Variants in NFKBIA observed in about 807,000 individuals in gnomAD.
The protein encoded by NFKBIA is NFKB inhibitor alpha.
Under a neutral mutation model 36.3 loss-of-function variants are expected in NFKBIA, and 10 were observed. The ratio of observed to expected loss-of-function variants is 0.28; its 90% CI spans 0.17 to 0.47. The LOEUF (loss-of-function observed/expected upper bound fraction) is 0.47. Ranked by LOEUF, NFKBIA falls within the 20% of genes least tolerant of loss-of-function variation. The pLI is 0.99. For missense variants in NFKBIA, 355 were observed against 399.3 expected, an observed-to-expected ratio of 0.89 and a Z score of 0.94; for synonymous variants, 205 against 164.4, an observed-to-expected ratio of 1.25 and a Z score of -1.89.
intron 2 of NFKBIA, 29 bp downstream of exon 2, chr14:35,403,661 A>G: frequency 6.5e-7 from 1 of 1,531,706 alleles, no homozygotes. Flanking sequence ...CCAGGGTCAG[A>G]GAGAACCCGG....
At chr14:35,403,945 G>A in intron 1 of NFKBIA, 147 bp from the exon 2 acceptor site, 1 of 687,358 alleles carries the variant, frequency 1.5e-6, no homozygotes, top group Non-Finnish European at 2.6e-6. Flanking sequence ...TGAGCTGAGT[G>A]TTCCTGGCAG....
Position 35,401,939 on chromosome 14 carries a change from T to G in NFKBIA, c.*74A>C. The G allele has an allele frequency of 6.4e-7, 1 of 1,570,498 alleles. No homozygotes were observed. The highest frequency in any genetic ancestry group is 8.7e-7 in the Non-Finnish European group (1 of 1,144,578). On this transcript the variant is annotated 3_prime_UTR_variant, in exon 6 of 6. Transcript: ENST00000216797. ...ACACCCTTTAAATTTTTTCTTCTTT[T>G]TTCTTTTTTTAGAAAAATAAAACTT...
chr14:35,403,743 G>C lies in NFKBIA; in HGVS notation c.283C>G (p.Arg95Gly), dbSNP rs779105881. ...AAGGCCAGGTCTCCCTTCACCTGGC[G>C]GATCACTTCCATGGTCAGTGCCTTT... The part of the protein sequence containing the change: ...EEKALTMEVI[R>G]QVKGDLAFLN... Residue 95 changes from arginine (R) to glycine (G), a missense_variant, in exon 2 of 6, where the codon CGC (arginine) becomes GGC (glycine). Coordinates refer to ENST00000216797, the MANE Select transcript of NFKBIA (RefSeq NM_020529.3). 2 of 1,613,968 alleles carry C rather than the reference G, an allele frequency of 1.2e-6. No homozygotes were observed. The highest frequency in any genetic ancestry group is 1.7e-6 in the Non-Finnish European group (2 of 1,179,952).
At chr14:35,402,295 T>C (rs541039535) in intron 5 of NFKBIA, 99 bp downstream of exon 5, 1 of 1,436,956 alleles carries the variant, frequency 7.0e-7, no homozygotes, top group African/African-American at 1.4e-5. Flanking sequence ...AGACTCATTA[T>C]GTAGATACCC....
chr14:35,402,926 T>A, intron 3 of NFKBIA, 67 bp from the exon 4 acceptor site: 1 of 1,478,870 alleles, frequency 6.8e-7, no homozygotes, highest in Non-Finnish European at 9.4e-7. Context: ...CCTATTCTTT[T>A]ATGGAACAAG....
At chr14:35,403,857 G>T in intron 1 of NFKBIA, 59 bp from the exon 2 acceptor site, 2 of 1,305,602 alleles carry the variant, frequency 1.5e-6, no homozygotes, top group Admixed American at 1.9e-5. Context: ...GGGGCCCAGG[G>T]AGGCGCGGGC....
In NFKBIA at chr14:35,404,723, G is replaced by GGGCAGGAC; in HGVS notation, c.-80_-79insGTCCTGCC. On this transcript the variant is annotated 5_prime_UTR_variant, in exon 1 of 6. Coordinates refer to ENST00000216797, the MANE Select transcript of NFKBIA (RefSeq NM_020529.3). ...GCTGCTTCCTCGCTGGGGCGCTGGC[G>GGGCAGGAC]GGCGGGACGGCGGCACGGACTGCTG... is the stretch of plus-strand genomic sequence containing the variant. 1 of 1,049,248 alleles carries GGGCAGGAC rather than the reference G, an allele frequency of 9.5e-7. No individual in the cohort carries two copies. Among genetic ancestry groups the GGGCAGGAC allele is most frequent in the Non-Finnish European group, 1.3e-6 (1 of 799,350 alleles). The allele number at this position is 1,049,248 out of a possible 1,614,324, so 65.0% of individuals were successfully genotyped here.
rs2052757108 is a variant in NFKBIA, at chr14:35,403,866, G to T, written c.228-68C>A. ...CCGCGTGGGGCCCAGGGAGGCGCGG[G>T]CTGCGGGGGATTGCGCAAGGCCGGG... On this transcript the variant is annotated intron_variant, in intron 1 of 5. Transcript: ENST00000216797. 15 of 1,190,414 alleles carry T rather than the reference G, an allele frequency of 1.3e-5. No individual in the cohort carries two copies. The South Asian group carries it at 1.9e-4, about 15-fold the overall frequency. 73.7% of individuals were successfully genotyped at this position (1,190,414 alleles called of 1,614,324 possible).
rs915300088 is a variant in NFKBIA at position 35,403,738 on chromosome 14, C to G, written c.288G>C (p.Gln96His). The change falls in exon 2 of 6, where the codon CAG becomes CAC. Residue 96 changes from glutamine (Q) to histidine (H), a missense_variant. Transcript: ENST00000216797. ...EKALTMEVIRQVKGDLAFLNF... is the reference protein window; with the variant it reads ...EKALTMEVIRHVKGDLAFLNF... ...TGAGGAAGGCCAGGTCTCCCTTCAC[C>G]TGGCGGATCACTTCCATGGTCAGTG... 6.2e-7 allele frequency: 1 copy of G among 1,614,058 alleles called. No homozygotes were observed. The highest frequency in any genetic ancestry group is 8.5e-7 in the Non-Finnish European group (1 of 1,179,992).
chr14:35,403,705 C>G lies in NFKBIA; in HGVS notation c.321G>C (p.Gln107His), dbSNP rs762557295. The change falls in exon 2 of 6, where the codon CAG becomes CAC. Residue 107 changes from glutamine to histidine, a missense_variant. Coordinates refer to ENST00000216797, the MANE Select transcript of NFKBIA (RefSeq NM_020529.3). ...AGCGGCGCACCTGCTGCAGGTTGTT[C>G]TGGAAGTTGAGGAAGGCCAGGTCTC... ...VKGDLAFLNF[Q>H]NNLQQTPLHL... The G allele has an allele frequency of 2.5e-6, 4 of 1,613,500 alleles. No individual in the cohort carries two copies. Among genetic ancestry groups the G allele is most frequent in the East Asian group, 2.2e-5 (1 of 44,860 alleles).
chr14:35,404,425 C>A lies in NFKBIA; in HGVS notation c.220G>T (p.Gly74Trp). 1 of 1,584,986 alleles carries A rather than the reference C, an allele frequency of 6.3e-7. No individual in the cohort carries two copies. The highest frequency in any genetic ancestry group is 8.6e-7 in the Non-Finnish European group (1 of 1,168,538). ...EPWKQQLTEDGDSFLHLAIIH... is the reference protein window; with the variant it reads ...EPWKQQLTEDWDSFLHLAIIH... ...CGGGCCTCCGCCACTTACGAGTCCC[C>A]GTCCTCGGTGAGCTGCTGCTTCCAG... The change falls in exon 1 of 6, where the codon GGG becomes TGG. Residue 74 changes from glycine to tryptophan, a missense_variant. Coordinates refer to ENST00000216797, the MANE Select transcript of NFKBIA (RefSeq NM_020529.3).
intron 3 of NFKBIA, 110 bp from the exon 4 acceptor site, chr14:35,402,969 G>T (rs574478766): frequency 7.8e-7 from 1 of 1,284,330 alleles, no homozygotes; most frequent in Non-Finnish European, 1.1e-6. Context: ...AGAACCCACA[G>T]TCTGGGTTCT....
At position 35,402,492 on chromosome 14, in the gene NFKBIA, C is replaced by T; in HGVS notation, c.808G>A (p.Gly270Ser). The T allele has an allele frequency of 6.2e-7, 1 of 1,614,160 alleles. No individual in the cohort carries two copies. The highest frequency in any genetic ancestry group is 8.5e-7 in the Non-Finnish European group (1 of 1,180,034). Reference protein sequence around the residue: ...RPSTRIQQQLGQLTLENLQML... With the variant: ...RPSTRIQQQLSQLTLENLQML... ...TGAAGGTTTTCTAGTGTCAGCTGGC[C>T]CAGCTGCTGCTGTATCCGGGTGCTT... The change falls in exon 5 of 6, where the codon GGC (glycine) becomes AGC (serine). Residue 270 changes from glycine (G) to serine (S), a missense_variant. Gly to Ser is a moderately conservative substitution (Grantham distance 56). Transcript: ENST00000216797.
intron 3 of NFKBIA, 48 bp downstream of exon 3, chr14:35,403,102 G>GTCACCTGCCCTCC: frequency 6.3e-7 from 1 of 1,588,356 alleles, no homozygotes; most frequent in Non-Finnish European, 8.6e-7. Flanking sequence ...CCTTCTCCAC[G>GTCACCTGCCCTCC]TCACCTGCCC....
At chr14:35,402,243 C>T (rs2052735795) in intron 5 of NFKBIA, 151 bp downstream of exon 5, 4 of 299,414 alleles carry the variant, frequency 1.3e-5, no homozygotes, top group Non-Finnish European at 2.3e-5. Context: ...AGAGGGGGGG[C>T]AGGTACATTC....
rs2052728190 is a variant in NFKBIA at position 35,401,776 on chromosome 14, A to G, written c.*237T>C. ...CTTCTCCAAAAACCCCACAAAGGTG[A>G]GGTTTAAAAGAAGTTTTCTCAGAAT... On this transcript the variant is annotated 3_prime_UTR_variant, in exon 6 of 6. Transcript: ENST00000216797. 2 of 568,582 alleles carry G rather than the reference A, an allele frequency of 3.5e-6. No individual in the cohort carries two copies. The highest frequency in any genetic ancestry group is 2.3e-5 in the South Asian group (1 of 44,400). The allele number at this position is 568,582 out of a possible 1,614,324, so 35.2% of individuals were successfully genotyped here. A position where few individuals can be genotyped will look rare whatever the true frequency, so the allele number is the denominator to read the frequency against.
rs1056014530 is a variant in NFKBIA at position 35,402,577 on chromosome 14, A to G, written c.723T>C (p.Ala241=). 1.2e-6 allele frequency: 2 copies of G among 1,614,146 alleles called. No individual in the cohort carries two copies. Among genetic ancestry groups the G allele is most frequent in the African/African-American group, 2.7e-5 (2 of 74,942 alleles). ...DLVSLLLKCG[A]DVNRVTYQGY... The stretch of plus-strand genomic sequence containing the variant: ...CCTGGTAGGTAACTCTGTTGACATC[A>G]GCCCCACACTTCAACAGGAGTGACA... Residue 241 remains alanine (A), a synonymous_variant, in exon 5 of 6, where the codon GCT becomes GCC. Coordinates refer to ENST00000216797, the MANE Select transcript of NFKBIA (RefSeq NM_020529.3).
rs2138830733 is a variant in NFKBIA at position 35,402,594 on chromosome 14, G to A, written c.706C>T (p.Leu236=). ...TTGACATCAGCCCCACACTTCAACA[G>A]GAGTGACACCAGGTCAGGATTTTGC... ...DLQNPDLVSL[L]LKCGADVNRV... The change falls in exon 5 of 6, where the codon CTG becomes TTG. Residue 236 remains leucine (L), a synonymous_variant. Transcript: ENST00000216797. 6.2e-7 allele frequency: 1 copy of A among 1,614,258 alleles called. No individual in the cohort carries two copies. The highest frequency in any genetic ancestry group is 1.1e-5 in the South Asian group (1 of 91,090).
chr14:35,402,996 G>C (rs1227507326), intron 3 of NFKBIA, 137 bp from the exon 4 acceptor site: 11 of 1,227,322 alleles, frequency 9.0e-6, no homozygotes, highest in Non-Finnish European at 1.3e-5. Context: ...ACTTTATAAA[G>C]GCATCCAATA....
Sources: allele counts gnomAD v4.1 joint callset, GRCh38; gene constraint gnomAD v4.1.1; transcripts MANE v1.5; gene names NCBI Gene and HGNC (gene_info 2026-07-23, HGNC 2026-07-21).